INSC: variants seen among roughly 807,000 people sequenced by gnomAD.
INSC encodes the protein INSC spindle orientation adaptor protein.
Under a neutral mutation model 58.6 loss-of-function variants are expected in INSC, and 67 were observed. The observed-to-expected ratio is 1.14, with a 90% CI of 0.94 to 1.40. The LOEUF is 1.40. Ranked by LOEUF, INSC falls within the 40% of genes most tolerant of loss-of-function variation. INSC has a pLI of 0.00. For synonymous variants in INSC, 262 were observed against 276.1 expected, an observed-to-expected ratio of 0.95 and a Z score of 0.51; for missense variants, 714 against 692.0, an observed-to-expected ratio of 1.03 and a Z score of -0.36.
intron 2 of INSC, among the ~76,000 whole-genome samples, chr11:15,159,058 TCTC>T (rs1449396323): frequency 6.6e-6 from 1 of 152,110 alleles, no homozygotes; most frequent in Non-Finnish European, 1.5e-5. Flanking sequence ...ACAGGCAACT[TCTC>T]CTGGCCTCTT....
intron 2 of INSC, among the ~76,000 whole-genome samples, chr11:15,172,504 A>G (rs1849434630): frequency 6.6e-6 from 1 of 152,240 alleles, no homozygotes; most frequent in African/African-American, 2.4e-5. Flanking sequence ...GAGTTCAGGC[A>G]CACACACCAA....
chr11:15,158,497 AG>A lies in INSC; in HGVS notation c.56+9270del, dbSNP rs1848895239. Among the ~76,000 whole-genome samples, 4 of 152,174 alleles carry A rather than the reference AG, an allele frequency of 2.6e-5. No individual in the cohort carries two copies. In the South Asian group the frequency reaches 8.3e-4, roughly 32 times the overall value. ...TGGCAACTCCTCTCCTCTAAGAACT[AG>A]GGCAAATGTCACTTCCTTTGTGTAA... On this transcript the variant is annotated intron_variant, in intron 2 of 12. Transcript: ENST00000379556.
chr11:15,192,843 A>G (rs1167010322), intron 6 of INSC, among the ~76,000 whole-genome samples: 1 of 152,192 alleles, frequency 6.6e-6, no homozygotes, highest in African/African-American at 2.4e-5. Flanking sequence ...CAAAGCTAGT[A>G]TGGTACTCTC....
At chr11:15,216,718 C>A (rs138206783) in intron 7 of INSC, among the ~76,000 whole-genome samples, 206 of 152,284 alleles carry the variant, frequency 1.4e-3, no homozygotes, top group Non-Finnish European at 2.3e-3. Flanking sequence ...AAACTTTGGG[C>A]CCCAGTGCAA....
intron 5 of INSC, among the ~76,000 whole-genome samples, chr11:15,188,647 A>G (rs1193990238): frequency 6.6e-6 from 1 of 152,246 alleles, no homozygotes; most frequent in Non-Finnish European, 1.5e-5. Flanking sequence ...ACTGAGACAT[A>G]TCTGAGGTGT....
At chr11:15,171,940 T>C (rs1357954802) in intron 2 of INSC, among the ~76,000 whole-genome samples, 1 of 152,190 alleles carries the variant, frequency 6.6e-6, no homozygotes, top group Non-Finnish European at 1.5e-5. Context: ...GCACCAATTG[T>C]TTCCAGGGGC....
chr11:15,151,072 A>C (rs1848634357), intron 2 of INSC, among the ~76,000 whole-genome samples: 1 of 152,162 alleles, frequency 6.6e-6, no homozygotes, highest in African/African-American at 2.4e-5. Context: ...TCACTTTCCC[A>C]GGTCATAGAA....
chr11:15,239,864 G>A (rs1852276553), intron 11 of INSC, among the ~76,000 whole-genome samples: 1 of 152,184 alleles, frequency 6.6e-6, no homozygotes, highest in Non-Finnish European at 1.5e-5. Flanking sequence ...TCGGGAAGAA[G>A]CATGAGAAAA....
chr11:15,175,615 G>A, intron 2 of INSC, 126 bp from the exon 3 acceptor site: 1 of 586,048 alleles, frequency 1.7e-6, no homozygotes, highest in Non-Finnish European at 2.8e-6. Context: ...ATATCAAGGT[G>A]CATGAATGGG....
At chr11:15,227,885 T>C (rs753699353) in intron 9 of INSC, among the ~76,000 whole-genome samples, 35 of 152,324 alleles carry the variant, frequency 2.3e-4, no homozygotes, top group Non-Finnish European at 3.8e-4. Flanking sequence ...CTCCGGTCAT[T>C]TCCTACAAGA....
At chr11:15,255,906 C>G in the INSC span, among the ~76,000 whole-genome samples, 1 of 152,148 alleles carries the variant, frequency 6.6e-6, no homozygotes, top group Non-Finnish European at 1.5e-5. Flanking sequence ...CATACAGAAA[C>G]AAGAATCTTC....
Position 15,221,586 on chromosome 11 carries a change from C to T in INSC, c.929C>T (p.Pro310Leu). The change falls in exon 8 of 13, where the codon CCC (proline) becomes CTC (leucine). Residue 310 changes from proline (P) to leucine (L), a missense_variant. Coordinates refer to ENST00000379556, the MANE Select transcript of INSC (RefSeq NM_001042536.3). ...VVAQVTSPHL[P>L]VTQHLSSFLE... ...GCCCAGGTCACCTCCCCACACCTGCCCGTCACCCAGCACCTCAGTAGCTTC... is the reference window on the plus strand; with the variant it reads ...GCCCAGGTCACCTCCCCACACCTGCTCGTCACCCAGCACCTCAGTAGCTTC... 2 of 1,613,906 alleles carry T rather than the reference C, an allele frequency of 1.2e-6. No homozygotes were observed. The highest frequency in any genetic ancestry group is 1.7e-4 in the Middle Eastern group (1 of 6,060).
intron 9 of INSC, among the ~76,000 whole-genome samples, chr11:15,229,995 A>G (rs1181230012): frequency 3.3e-5 from 1 of 30,226 alleles, no homozygotes; most frequent in African/African-American, 1.3e-4. Flanking sequence ...ATATATATAT[A>G]TATATATATA....
chr11:15,127,954 C>T (rs928387652), intron 1 of INSC, among the ~76,000 whole-genome samples: 4 of 151,826 alleles, frequency 2.6e-5, no homozygotes, highest in Non-Finnish European at 4.4e-5. Flanking sequence ...GAGATCGTGC[C>T]GTTGCACTCC....
intron 7 of INSC, among the ~76,000 whole-genome samples, chr11:15,219,737 T>G (rs7942721): frequency 6.6e-6 from 1 of 152,186 alleles, no homozygotes; most frequent in Non-Finnish European, 1.5e-5. Flanking sequence ...TTGATTGAGA[T>G]ATTTCCCCAC....
chr11:15,260,083 G>C, the INSC span, among the ~76,000 whole-genome samples: 5 of 152,240 alleles, frequency 3.3e-5, no homozygotes, highest in Admixed American at 6.5e-5. Context: ...AACAGCCATG[G>C]AGCAGTGGAG....
intron 2 of INSC, among the ~76,000 whole-genome samples, chr11:15,169,545 G>GTTTC (rs56371040): frequency 0.21 from 31,900 of 151,330 alleles, 4,325 homozygotes; most frequent in East Asian, 0.71. Flanking sequence ...TTGTTTGTTT[G>GTTTC]TTTGTTTGTT....
intron 8 of INSC, 116 bp from the exon 9 acceptor site, chr11:15,225,534 A>G: frequency 5.9e-6 from 6 of 1,025,580 alleles, no homozygotes; most frequent in Non-Finnish European, 8.4e-6. Flanking sequence ...CATCTGTAAA[A>G]TGGGTATTAT....
intron 2 of INSC, among the ~76,000 whole-genome samples, chr11:15,159,391 CT>C (rs1416060626): frequency 6.6e-6 from 1 of 152,136 alleles, no homozygotes; most frequent in Non-Finnish European, 1.5e-5. Context: ...GTGAATTATC[CT>C]AAATGTCCAC....
Sources: gnomAD v4.1 joint callset for allele counts (sites outside exome capture counted in the v4.1 genomes callset) on GRCh38, gnomAD v4.1.1 for gene constraint, MANE v1.5 for transcripts, NCBI Gene and HGNC (gene_info 2026-07-23, HGNC 2026-07-21) for gene names.